The following MSH3 variants were observed in gnomAD, a reference collection of about 807,000 sequenced individuals.
MSH3 encodes DNA mismatch repair protein Msh3.
Under a neutral mutation model 123.3 loss-of-function variants are expected in MSH3, and 106 were observed. The observed-to-expected ratio is 0.86, with a 90% CI of 0.73 to 1.01. The LOEUF (loss-of-function observed/expected upper bound fraction) is 1.01. Among genes scored for constraint, MSH3 ranks in the 50% least tolerant of loss-of-function variants. The pLI is 0.00. For synonymous variants in MSH3, 515 were observed against 481.4 expected, an observed-to-expected ratio of 1.07 and a Z score of -0.91; for missense variants, 1,459 against 1,347.6, an observed-to-expected ratio of 1.08 and a Z score of -1.29.
At chr5:80,667,149 A>G (rs903441493) in intron 3 of MSH3, among the ~76,000 whole-genome samples, 2 of 152,232 alleles carry the variant, frequency 1.3e-5, no homozygotes, top group Non-Finnish European at 2.9e-5. Context: ...TTAGCATCCC[A>G]TAAGGATAAA....
chr5:80,873,376 A>G, intron 23 of MSH3, 89 bp downstream of exon 23: 1 of 1,342,166 alleles, frequency 7.5e-7, no homozygotes, highest in Non-Finnish European at 1.0e-6. Flanking sequence ...AATGAACATC[A>G]GGTCTACTTT....
chr5:80,776,928 A>ATTTTTT (rs551087715), intron 16 of MSH3, among the ~76,000 whole-genome samples: 1 of 139,410 alleles, frequency 7.2e-6, no homozygotes, highest in Admixed American at 7.4e-5. Context: ...ATATATATAT[A>ATTTTTT]TTTTTTTTTT....
intron 23 of MSH3, among the ~76,000 whole-genome samples, chr5:80,873,677 G>A (rs912264013): frequency 1.3e-5 from 2 of 152,124 alleles, no homozygotes; most frequent in African/African-American, 4.8e-5. Flanking sequence ...AATTCTATCA[G>A]AGCATTAATG....
intron 13 of MSH3, 109 bp downstream of exon 13, chr5:80,761,787 C>T (rs1744040585): frequency 8.1e-7 from 1 of 1,235,338 alleles, no homozygotes; most frequent in Non-Finnish European, 1.2e-6. Context: ...TTTGTAAAAT[C>T]TTACAAATAG....
chr5:80,729,604 A>G (rs2112858850), intron 10 of MSH3, among the ~76,000 whole-genome samples: 1 of 152,166 alleles, frequency 6.6e-6, no homozygotes, highest in African/African-American at 2.4e-5. Context: ...ATAAAAATTT[A>G]CCACCTTTCT....
chr5:80,792,118 C>T (rs1322039934), intron 18 of MSH3, among the ~76,000 whole-genome samples: 1 of 152,086 alleles, frequency 6.6e-6, no homozygotes, highest in Non-Finnish European at 1.5e-5. Flanking sequence ...TTAATAATTA[C>T]ATCTAGAAAT....
intron 17 of MSH3, among the ~76,000 whole-genome samples, chr5:80,786,230 C>T (rs917371650): frequency 3.9e-5 from 6 of 151,946 alleles, no homozygotes; most frequent in Non-Finnish European, 8.8e-5. Context: ...AAAAATAAGG[C>T]AAGATGCTAG....
At chr5:80,687,626 C>T (rs531398731) in intron 8 of MSH3, among the ~76,000 whole-genome samples, 2 of 152,204 alleles carry the variant, frequency 1.3e-5, no homozygotes, top group East Asian at 1.9e-4. Flanking sequence ...AGGTCTGAGG[C>T]ACACAGGCTG....
intron 10 of MSH3, among the ~76,000 whole-genome samples, chr5:80,738,025 T>C (rs548607753): frequency 4.4e-4 from 67 of 152,258 alleles, no homozygotes; most frequent in Non-Finnish European, 8.2e-4. Context: ...AAAACACCCA[T>C]AACCAACCAA....
intron 20 of MSH3, among the ~76,000 whole-genome samples, chr5:80,814,990 C>T (rs1745076199): frequency 1.3e-5 from 2 of 152,170 alleles, no homozygotes; most frequent in African/African-American, 4.8e-5. Context: ...AAAGTAAATA[C>T]AGTCTCTGTG....
chr5:80,766,515 T>C (rs1227950846), intron 13 of MSH3, among the ~76,000 whole-genome samples: 1 of 151,958 alleles, frequency 6.6e-6, no homozygotes, highest in African/African-American at 2.4e-5. Context: ...CAGCTAATTT[T>C]TGTATTTTTA....
intron 12 of MSH3, among the ~76,000 whole-genome samples, chr5:80,760,504 A>G (rs993742333): frequency 3.3e-5 from 5 of 152,000 alleles, no homozygotes; most frequent in South Asian, 2.1e-4. Flanking sequence ...CTACTCCCCA[A>G]TCTTTGGTCA....
chr5:80,862,056 G>T (rs1024482013), intron 21 of MSH3, among the ~76,000 whole-genome samples: 2 of 152,066 alleles, frequency 1.3e-5, no homozygotes, highest in Non-Finnish European at 2.9e-5. Context: ...GGATAGGGAA[G>T]AGAGATCAGA....
intron 13 of MSH3, among the ~76,000 whole-genome samples, chr5:80,767,623 T>G (rs1744144861): frequency 6.6e-6 from 1 of 152,172 alleles, no homozygotes. Context: ...GCCTTACAGA[T>G]ATTATCCTTC....
At chr5:80,808,032 T>A (rs908440216) in intron 19 of MSH3, among the ~76,000 whole-genome samples, 2 of 152,242 alleles carry the variant, frequency 1.3e-5, no homozygotes, top group African/African-American at 4.8e-5. Flanking sequence ...TTTCAATAAA[T>A]TTTAAAAGTG....
intron 19 of MSH3, among the ~76,000 whole-genome samples, chr5:80,812,707 G>A (rs971295200): frequency 2.7e-5 from 4 of 149,648 alleles, no homozygotes; most frequent in East Asian, 4.0e-4. Flanking sequence ...TCAGCCTCCC[G>A]AGAACTGGCA....
intron 8 of MSH3, among the ~76,000 whole-genome samples, chr5:80,700,096 T>C (rs538779256): frequency 6.6e-6 from 1 of 152,264 alleles, no homozygotes; most frequent in South Asian, 2.1e-4. Flanking sequence ...AAATAAATTG[T>C]GGGCCTGGCA....
chr5:80,673,185 G>GC (rs1315635860), intron 6 of MSH3, among the ~76,000 whole-genome samples: 1 of 152,184 alleles, frequency 6.6e-6, no homozygotes, highest in Non-Finnish European at 1.5e-5. Flanking sequence ...GTAGTTAGGT[G>GC]CTTAGGGCCT....
At chr5:80,837,675 A>C (rs1329251213) in intron 20 of MSH3, among the ~76,000 whole-genome samples, 2 of 152,216 alleles carry the variant, frequency 1.3e-5, no homozygotes, top group African/African-American at 4.8e-5. Context: ...TATTTATAGA[A>C]CAAAGATACT....
Sources: gnomAD v4.1 joint callset for allele counts (sites outside exome capture counted in the v4.1 genomes callset) on GRCh38, gnomAD v4.1.1 for gene constraint, MANE v1.5 for transcripts, NCBI Gene and HGNC (gene_info 2026-07-23, HGNC 2026-07-21) for gene names.